NFAT5: variants seen among roughly 807,000 people sequenced by gnomAD.
NFAT5 encodes the protein nuclear factor of activated T cells 5.
Under a neutral mutation model 166.5 loss-of-function variants are expected in NFAT5, and 31 were observed. That is an observed-to-expected ratio of 0.19 (90% CI 0.14 to 0.25). The LOEUF (loss-of-function observed/expected upper bound fraction) is 0.25. Among genes scored for constraint, NFAT5 ranks in the 10% least tolerant of loss-of-function variants. The probability of loss-of-function intolerance (pLI) is 1.00; values close to 1 mark genes in which losing one functional copy is unlikely to be tolerated. For missense variants in NFAT5, 1,449 were observed against 1,821.8 expected (o/e 0.80, Z 3.72); for synonymous variants, 612 against 639.7 (o/e 0.96, Z 0.65).
chr16:69,682,752 G>GT (rs1346278686), intron 10 of NFAT5, among the ~76,000 whole-genome samples: 2 of 151,796 alleles, frequency 1.3e-5, no homozygotes, highest in Admixed American at 6.6e-5. Flanking sequence ...AAATATGTGT[G>GT]TTTTTTTTCC....
intron 14 of NFAT5, chr16:69,695,763 C>CTT (rs1304244899): frequency 6.0e-6 from 1 of 167,952 alleles, no homozygotes; most frequent in Non-Finnish European, 1.3e-5. Flanking sequence ...AAATCCGAAT[C>CTT]TTTTTGAGTG....
intron 2 of NFAT5, among the ~76,000 whole-genome samples, chr16:69,604,368 G>A (rs2033293960): frequency 6.6e-6 from 1 of 152,176 alleles, no homozygotes; most frequent in South Asian, 2.1e-4. Context: ...ATTGAATTAG[G>A]TGGCATATTC....
At chr16:69,657,171 C>T (rs866738305) in intron 6 of NFAT5, among the ~76,000 whole-genome samples, 17 of 151,426 alleles carry the variant, frequency 1.1e-4, no homozygotes, top group African/African-American at 4.1e-4. Context: ...TGCTTTGTTG[C>T]CCAAGCTGCA....
chr16:69,671,144 C>T (rs1213749436), intron 9 of NFAT5, among the ~76,000 whole-genome samples: 2 of 152,106 alleles, frequency 1.3e-5, no homozygotes, highest in South Asian at 4.1e-4. Flanking sequence ...AAACATATAT[C>T]CAATATATTG....
chr16:69,671,981 C>G (rs1042754543), intron 9 of NFAT5, among the ~76,000 whole-genome samples: 4 of 152,192 alleles, frequency 2.6e-5, no homozygotes, highest in African/African-American at 9.7e-5. Context: ...TGTTATAAAT[C>G]ACATTGTTAG....
intron 2 of NFAT5, among the ~76,000 whole-genome samples, chr16:69,602,593 T>A (rs1159358242): frequency 1.3e-5 from 2 of 150,470 alleles, no homozygotes; most frequent in African/African-American, 2.4e-5. Context: ...TCTTTTTTTT[T>A]TTTTTTGAGA....
At chr16:69,588,521 T>A (rs2032245610) in intron 2 of NFAT5, among the ~76,000 whole-genome samples, 1 of 151,944 alleles carries the variant, frequency 6.6e-6, no homozygotes, top group Non-Finnish European at 1.5e-5. Flanking sequence ...CACACTTATT[T>A]GTGTGTAAAT....
intron 6 of NFAT5, among the ~76,000 whole-genome samples, 195 bp from the exon 7 acceptor site, chr16:69,659,532 A>G (rs977161889): frequency 6.6e-6 from 1 of 152,142 alleles, no homozygotes; most frequent in Admixed American, 6.6e-5. Context: ...TAAACAAAAG[A>G]TTGACAGGAT....
At chr16:69,583,022 TA>T (rs1008652211) in intron 2 of NFAT5, among the ~76,000 whole-genome samples, 4 of 151,774 alleles carry the variant, frequency 2.6e-5, no homozygotes, top group Admixed American at 6.6e-5. Flanking sequence ...TTATTTTTTT[TA>T]GATCTTTATT....
intron 2 of NFAT5, among the ~76,000 whole-genome samples, chr16:69,615,014 C>CT (rs2033876027): frequency 6.7e-6 from 1 of 148,838 alleles, no homozygotes; most frequent in South Asian, 2.1e-4. Context: ...GCAGCTAGGG[C>CT]TATAGGCACC....
intron 3 of NFAT5, among the ~76,000 whole-genome samples, chr16:69,639,514 C>T (rs2035112512): frequency 6.6e-6 from 1 of 151,958 alleles, no homozygotes; most frequent in Non-Finnish European, 1.5e-5. Context: ...AAGATGTCTG[C>T]AATAAATCAG....
Position 69,566,404 on chromosome 16 carries a change from G to C in NFAT5, c.73+30G>C. Reference sequence around the variant, plus strand: ...GTCAGGCTGTGGGGGGTGGGGCGTGGGGGCGGGGAGACAGGGAGACAGGGA... The same window carrying C: ...GTCAGGCTGTGGGGGGTGGGGCGTGCGGGCGGGGAGACAGGGAGACAGGGA... On this transcript the variant is annotated intron_variant, in intron 1 of 14. Coordinates refer to ENST00000349945, the MANE Select transcript of NFAT5 (RefSeq NM_138713.4). This position sits in a 1 kb window ranked among gnomAD's most constrained non-coding sequence, Gnocchi z 5.7. 6.7e-7 allele frequency: 1 copy of C among 1,493,940 alleles called. No homozygotes were observed. Among genetic ancestry groups the C allele is most frequent in the Non-Finnish European group, 9.2e-7 (1 of 1,090,668 alleles). 92.5% of individuals were successfully genotyped at this position (1,493,940 alleles called of 1,614,324 possible).
chr16:69,679,740 T>C (rs923818491), intron 10 of NFAT5, among the ~76,000 whole-genome samples: 3 of 152,178 alleles, frequency 2.0e-5, no homozygotes, highest in Admixed American at 6.5e-5. Context: ...AGAAAGAAGA[T>C]TGGCTTATTC....
chr16:69,601,726 C>T (rs547545755), intron 2 of NFAT5, among the ~76,000 whole-genome samples: 1 of 152,188 alleles, frequency 6.6e-6, no homozygotes, highest in African/African-American at 2.4e-5. Flanking sequence ...TGGTGATGGA[C>T]TATTATTTCA....
At chr16:69,597,311 G>C (rs1394089083) in intron 2 of NFAT5, among the ~76,000 whole-genome samples, 1 of 152,110 alleles carries the variant, frequency 6.6e-6, no homozygotes, top group Non-Finnish European at 1.5e-5. Context: ...GGTATCACAG[G>C]CTAAATAAAT....
chr16:69,571,695 TA>T, intron 2 of NFAT5, among the ~76,000 whole-genome samples: 1 of 152,072 alleles, frequency 6.6e-6, no homozygotes, highest in African/African-American at 2.4e-5. Flanking sequence ...TTTCCAAATT[TA>T]AATTTTTTTT....
intron 4 of NFAT5, among the ~76,000 whole-genome samples, chr16:69,652,609 A>G (rs986239081): frequency 6.6e-6 from 1 of 152,230 alleles, no homozygotes; most frequent in Admixed American, 6.5e-5. Context: ...TAATTTCCCA[A>G]TAAAAATTGA....
chr16:69,690,062 A>G (rs376652763), intron 11 of NFAT5, among the ~76,000 whole-genome samples: 14 of 152,232 alleles, frequency 9.2e-5, no homozygotes, highest in African/African-American at 3.1e-4. Context: ...TGCTCAACTC[A>G]GAAGACTGTC....
chr16:69,636,134 G>A (rs774595733), intron 3 of NFAT5, among the ~76,000 whole-genome samples: 9 of 152,140 alleles, frequency 5.9e-5, no homozygotes, highest in South Asian at 2.1e-4. Flanking sequence ...ATGCAAGTCC[G>A]AAATCCAGTG....
Sources: gnomAD v4.1 joint callset for allele counts (sites outside exome capture counted in the v4.1 genomes callset) on GRCh38, gnomAD v4.1.1 for gene constraint, Gnocchi (gnomAD v3.1) non-coding constraint, MANE v1.5 for transcripts, NCBI Gene and HGNC (gene_info 2026-07-23, HGNC 2026-07-21) for gene names.